RGS3: variants seen among roughly 807,000 people sequenced by gnomAD.
RGS3 encodes the protein regulator of G-protein signalling 3.
Under a neutral mutation model 132.6 loss-of-function variants are expected in RGS3, and 80 were observed. That is an observed-to-expected ratio of 0.60 (90% confidence interval 0.50 to 0.73). The LOEUF (loss-of-function observed/expected upper bound fraction) is 0.73, where lower values mean the gene tolerates loss of function less well. Among genes scored for constraint, RGS3 ranks in the 30% least tolerant of loss-of-function variants. RGS3 has a pLI of 0.00. For missense variants in RGS3, 1,382 were observed against 1,530.8 expected, an observed-to-expected ratio of 0.90 and a Z score of 1.62; for synonymous variants, 598 against 620.6, an observed-to-expected ratio of 0.96 and a Z score of 0.54.
chr9:113,536,495 G>C, intron 18 of RGS3: 2 of 1,073,140 alleles, frequency 1.9e-6, no homozygotes, highest in Non-Finnish European at 1.1e-6. Flanking sequence ...TGCCCCTGGG[G>C]GTGACCTCAT....
chr9:113,596,525 G>T (rs938380151), intron 24 of RGS3, among the ~76,000 whole-genome samples: 1 of 152,200 alleles, frequency 6.6e-6, no homozygotes, highest in African/African-American at 2.4e-5. Flanking sequence ...GCTAGGATTT[G>T]AACCCAGGAA....
At chr9:113,564,482 CG>C (rs1258402148) in intron 19 of RGS3, among the ~76,000 whole-genome samples, 5 of 152,102 alleles carry the variant, frequency 3.3e-5, no homozygotes, top group Non-Finnish European at 5.9e-5. Flanking sequence ...ATGAAGAAAC[CG>C]AGGCTCAGAG....
At chr9:113,466,645 G>C (rs7861248) in intron 3 of RGS3, among the ~76,000 whole-genome samples, 1 of 152,052 alleles carries the variant, frequency 6.6e-6, no homozygotes. Flanking sequence ...TGAAGTCATT[G>C]TAGGTATACA....
At chr9:113,528,966 C>T (rs918492641) in intron 17 of RGS3, among the ~76,000 whole-genome samples, 2 of 152,236 alleles carry the variant, frequency 1.3e-5, no homozygotes, top group African/African-American at 4.8e-5. Context: ...CTGGCTACCT[C>T]TCCTGGGGAT....
chr9:113,527,537 C>G (rs751329586), intron 17 of RGS3, among the ~76,000 whole-genome samples: 2 of 152,208 alleles, frequency 1.3e-5, no homozygotes, highest in African/African-American at 4.8e-5. Flanking sequence ...CCCTCCCTCC[C>G]CAGTCCATCG....
chr9:113,495,771 C>T lies in RGS3; in HGVS notation c.690-15C>T. On this transcript the variant is annotated splice_polypyrimidine_tract_variant and intron_variant, in intron 7 of 24. Coordinates refer to ENST00000350696, the Ensembl canonical transcript of RGS3. The stretch of plus-strand genomic sequence containing the variant: ...AGAAAAAAAATGCTGACTCAAGTCT[C>T]ACTTGTTCTCCCAGACAGAGTGGAC... The T allele has an allele frequency of 6.2e-7, 1 of 1,613,500 alleles. No homozygotes were observed. The highest frequency in any genetic ancestry group is 1.1e-5 in the South Asian group (1 of 91,066).
intron 19 of RGS3, among the ~76,000 whole-genome samples, chr9:113,578,691 T>A (rs1228807117): frequency 6.6e-6 from 1 of 152,102 alleles, no homozygotes; most frequent in Non-Finnish European, 1.5e-5. Context: ...TCCTGGAAGC[T>A]AGCATTGAGT....
intron 7 of RGS3, among the ~76,000 whole-genome samples, chr9:113,491,027 A>G (rs1830500316): frequency 7.5e-6 from 1 of 133,772 alleles, no homozygotes; most frequent in African/African-American, 2.9e-5. Context: ...ATTATTATAT[A>G]TTGGTATATA....
intron 3 of RGS3, chr9:113,479,201 G>A: frequency 6.9e-6 from 3 of 434,952 alleles, no homozygotes; most frequent in Non-Finnish European, 1.2e-5. Flanking sequence ...ACCCAGCAGT[G>A]AGATTTCCCA....
At chr9:113,468,920 G>A (rs1476714872) in intron 3 of RGS3, among the ~76,000 whole-genome samples, 4 of 152,104 alleles carry the variant, frequency 2.6e-5, no homozygotes, top group Non-Finnish European at 4.4e-5. Flanking sequence ...GAAAGCTGTC[G>A]GGAGCAGCTC....
rs1830254618 is a variant in RGS3 at position 113,484,237 on chromosome 9, G to C, written c.620+5G>C. The stretch of plus-strand genomic sequence containing the variant: ...TTTCCACGAGCACTTCTTCTTGTAA[G>C]AGTCTGGTGCAGCTGGGCCCTAGAA... On this transcript the variant is annotated splice_donor_5th_base_variant and intron_variant, in intron 6 of 24. Coordinates refer to ENST00000350696, the Ensembl canonical transcript of RGS3. 2.7e-6 allele frequency: 4 copies of C among 1,502,112 alleles called. No individual in the cohort carries two copies. Among genetic ancestry groups the C allele is most frequent in the Middle Eastern group, 1.8e-4 (1 of 5,644 alleles). The allele number at this position is 1,502,112 out of a possible 1,614,324, so 93.0% of individuals were successfully genotyped here. A position where few individuals can be genotyped will look rare whatever the true frequency, so the allele number is the denominator to read the frequency against.
chr9:113,464,701 T>C (rs1372260083), intron 3 of RGS3, among the ~76,000 whole-genome samples: 1 of 152,222 alleles, frequency 6.6e-6, no homozygotes, highest in Non-Finnish European at 1.5e-5. Context: ...GTAGCTGAGC[T>C]CAAGCTTTCC....
intron 10 of RGS3, chr9:113,501,665 G>T (rs753481558): frequency 3.2e-6 from 5 of 1,546,542 alleles, no homozygotes; most frequent in Non-Finnish European, 3.5e-6. Context: ...AGCCTGTGGG[G>T]TGTTCAGGGA....
At chr9:113,523,094 C>A in intron 17 of RGS3, 53 bp downstream of exon 15, 1 of 1,150,540 alleles carries the variant, frequency 8.7e-7, no homozygotes, top group Non-Finnish European at 1.3e-6. Flanking sequence ...CCCAGTCCCA[C>A]TGCTCTGGGC....
At chr9:113,487,100 C>CTTTTTT (rs60523804) in intron 7 of RGS3, among the ~76,000 whole-genome samples, 5 of 116,964 alleles carry the variant, frequency 4.3e-5, no homozygotes, top group Non-Finnish European at 7.2e-5. Flanking sequence ...TCATTTAATT[C>CTTTTTT]TTTTTTTTTT....
chr9:113,486,053 A>G (rs747980084), intron 7 of RGS3, among the ~76,000 whole-genome samples: 1 of 152,214 alleles, frequency 6.6e-6, no homozygotes, highest in African/African-American at 2.4e-5. Context: ...GCTCAGTTCT[A>G]CAGGACTCTA....
chr9:113,583,286 C>G, intron 19 of RGS3, 164 bp from the exon 18 acceptor site: 9 of 1,266,228 alleles, frequency 7.1e-6, no homozygotes, highest in Non-Finnish European at 8.5e-6. Flanking sequence ...AATTGTTACC[C>G]AGCTAAGTCA....
At chr9:113,572,148 G>GA (rs1222069126) in intron 19 of RGS3, among the ~76,000 whole-genome samples, 1 of 152,104 alleles carries the variant, frequency 6.6e-6, no homozygotes, top group Non-Finnish European at 1.5e-5. Context: ...GAAAAGAGGA[G>GA]AAACGGTGTG....
At chr9:113,511,936 C>A (rs1024932965) in intron 14 of RGS3, among the ~76,000 whole-genome samples, 1 of 152,082 alleles carries the variant, frequency 6.6e-6, no homozygotes, top group Admixed American at 6.6e-5. Context: ...CCCTGCCTAT[C>A]CTTCTACTAA....
Sources: allele counts gnomAD v4.1 joint callset (sites outside exome capture counted in the v4.1 genomes callset), GRCh38; gene constraint gnomAD v4.1.1; transcripts MANE v1.5; gene names NCBI Gene and HGNC (gene_info 2026-07-23, HGNC 2026-07-21).